SKOR2: variants seen among roughly 807,000 people sequenced by gnomAD.
SKOR2 encodes SKI family transcriptional corepressor 2, also known as LBX1 corepressor 1-like protein.
Under a neutral mutation model 69.1 loss-of-function variants are expected in SKOR2, and 47 were observed. That is an observed-to-expected ratio of 0.68 (90% CI 0.54 to 0.87). SKOR2 has a LOEUF of 0.87. SKOR2 is among the 40% of genes least tolerant of loss of function. The pLI, the probability that SKOR2 is intolerant of heterozygous loss-of-function variation, is 0.00. For missense variants in SKOR2, 1,404 were observed against 1,472.2 expected, an observed-to-expected ratio of 0.95 and a Z score of 0.76; for synonymous variants, 717 against 672.6, an observed-to-expected ratio of 1.07 and a Z score of -1.02.
intron 4 of SKOR2, among the ~76,000 whole-genome samples, chr18:47,239,972 T>C (rs985445710): frequency 4.6e-5 from 6 of 129,654 alleles, no homozygotes; most frequent in African/African-American, 1.6e-4. Flanking sequence ...TCTTATTTTT[T>C]GCTTTTTTTT....
chr18:47,224,429 G>C (rs1434144467), intron 6 of SKOR2, among the ~76,000 whole-genome samples: 1 of 152,044 alleles, frequency 6.6e-6, no homozygotes, highest in African/African-American at 2.4e-5. Flanking sequence ...AAAGCCAAAG[G>C]GTTTTCCAAA....
At chr18:47,208,416 G>T (rs933149784) in intron 8 of SKOR2, among the ~76,000 whole-genome samples, 1 of 152,110 alleles carries the variant, frequency 6.6e-6, no homozygotes, top group African/African-American at 2.4e-5. Flanking sequence ...TTTCCAGTTT[G>T]GCCAATGAGT....
intron 7 of SKOR2, 163 bp downstream of exon 7, chr18:47,219,780 T>G (rs2064155439): frequency 1.6e-6 from 1 of 612,750 alleles, no homozygotes; most frequent in African/African-American, 1.8e-5. Context: ...CATCTGTTTA[T>G]CCTGTGTCTA....
intron 4 of SKOR2, among the ~76,000 whole-genome samples, chr18:47,243,780 A>C (rs2064259103): frequency 6.6e-6 from 1 of 152,218 alleles, no homozygotes; most frequent in Non-Finnish European, 1.5e-5. Context: ...TAATAATAAA[A>C]ACATTCAAAA....
In SKOR2 at chr18:47,247,581, C is replaced by A; in HGVS notation, c.1603G>T (p.Val535Leu). Reference sequence around the variant, plus strand: ...CCGGAGCCCGGGCCGTTGGCCACTACCTGCGGGGGCTGCCCCGGCGGGGGC... The same window carrying A: ...CCGGAGCCCGGGCCGTTGGCCACTAACTGCGGGGGCTGCCCCGGCGGGGGC... ...AAPPPGQPPQ[V>L]VANGPGSGPP... The change falls in exon 2 of 9, where the codon GTA (valine) becomes TTA (leucine). Residue 535 changes from valine to leucine, a missense_variant. Val to Leu is a conservative substitution (Grantham distance 32). This residue lies in a region of SKOR2 where 1,266 missense variants were observed against 1,309.9 expected (regional missense o/e 0.97). Transcript: ENST00000425639. The surrounding 1 kb of genome is among the most constrained non-coding windows in gnomAD (Gnocchi z 6.6). The A allele has an allele frequency of 8.0e-7, 1 of 1,254,668 alleles. No individual in the cohort carries two copies. The highest frequency in any genetic ancestry group is 3.0e-5 in the South Asian group (1 of 33,328). 77.7% of individuals were successfully genotyped at this position (1,254,668 alleles called of 1,614,324 possible). A position where few individuals can be genotyped will look rare whatever the true frequency, so the allele number is the denominator to read the frequency against.
Position 47,248,246 on chromosome 18 carries a change from TCG to T in SKOR2, c.936_937del (p.Asp312GlufsTer111). The T allele has an allele frequency of 8.2e-7, 1 of 1,222,844 alleles. No individual in the cohort carries two copies. Among genetic ancestry groups the T allele is most frequent in the Non-Finnish European group, 1.0e-6 (1 of 983,892 alleles). The allele number at this position is 1,222,844 out of a possible 1,614,324, so 75.7% of individuals were successfully genotyped here. A position where few individuals can be genotyped will look rare whatever the true frequency, so the allele number is the denominator to read the frequency against. On this transcript the variant is annotated frameshift_variant, in exon 2 of 9. Coordinates refer to ENST00000425639, the MANE Select transcript of SKOR2 (RefSeq NM_001278063.4). LOFTEE classifies it high-confidence loss of function. This position sits in a 1 kb window ranked among gnomAD's most constrained non-coding sequence, Gnocchi z 6.4. Reference sequence around the variant, plus strand: ...GGCCTCCTGCAAGGAGTCGTCGTCGTCGTCGAAGCGCGGCCGCTTGTGATGGG... The same window carrying T: ...GGCCTCCTGCAAGGAGTCGTCGTCGTTCGAAGCGCGGCCGCTTGTGATGGG...
At chr18:47,238,908 T>G (rs1276046472) in intron 4 of SKOR2, among the ~76,000 whole-genome samples, 2 of 152,248 alleles carry the variant, frequency 1.3e-5, no homozygotes, top group Non-Finnish European at 2.9e-5. Flanking sequence ...GTCCTCCTGT[T>G]GCTCAACAGC....
chr18:47,227,531 A>C (rs1002595236), intron 6 of SKOR2, among the ~76,000 whole-genome samples: 3 of 151,918 alleles, frequency 2.0e-5, no homozygotes, highest in Non-Finnish European at 2.9e-5. Flanking sequence ...AGGTTTCACC[A>C]TGTTGGCCAG....
rs1465680476 is a variant in SKOR2, at chr18:47,247,107, G to C, written c.2077C>G (p.Pro693Ala). ...PDEPGSERHH[P>A]APPPPPPPPP... ...GGCGGCGGCGGCGGCGGCGGGGCCGGGTGGTGGCGCTCGGAACCCGGCTCG... is the reference window on the plus strand; with the variant it reads ...GGCGGCGGCGGCGGCGGCGGGGCCGCGTGGTGGCGCTCGGAACCCGGCTCG... The change falls in exon 2 of 9, where the codon CCG becomes GCG. Residue 693 changes from proline (P) to alanine (A), a missense_variant. This residue lies in a region of SKOR2 where 1,266 missense variants were observed against 1,309.9 expected (regional missense o/e 0.97). Coordinates refer to ENST00000425639, the MANE Select transcript of SKOR2 (RefSeq NM_001278063.4). The surrounding 1 kb of genome is among the most constrained non-coding windows in gnomAD (Gnocchi z 6.6). 1.5e-6 allele frequency: 2 copies of C among 1,322,288 alleles called. No individual in the cohort carries two copies. The highest frequency in any genetic ancestry group is 1.9e-6 in the Non-Finnish European group (2 of 1,045,352). The allele number at this position is 1,322,288 out of a possible 1,614,324, so 81.9% of individuals were successfully genotyped here. A position where few individuals can be genotyped will look rare whatever the true frequency, so the allele number is the denominator to read the frequency against.
Position 47,206,169 on chromosome 18 carries a change from T to A in SKOR2, c.*727A>T, listed in dbSNP as rs2144468125. On this transcript the variant is annotated 3_prime_UTR_variant, in exon 9 of 9. Transcript: ENST00000425639. ...GCATTTAACTACATGAACACAACCATTACTTCATAGTTTTTTTATTATAGA... is the reference window on the plus strand; with the variant it reads ...GCATTTAACTACATGAACACAACCAATACTTCATAGTTTTTTTATTATAGA... 6.6e-6 allele frequency among the ~76,000 whole-genome samples: 1 copy of A among 152,330 alleles called. No homozygotes were observed. Among genetic ancestry groups the A allele is most frequent in the African/African-American group, 2.4e-5 (1 of 41,590 alleles).
intron 8 of SKOR2, among the ~76,000 whole-genome samples, chr18:47,209,002 T>C: frequency 6.6e-6 from 1 of 152,176 alleles, no homozygotes; most frequent in East Asian, 1.9e-4. Context: ...TTTATGGCGT[T>C]ATCAAGGGAA....
chr18:47,216,710 G>A (rs1216014806), intron 7 of SKOR2, among the ~76,000 whole-genome samples: 1 of 152,134 alleles, frequency 6.6e-6, no homozygotes, highest in Non-Finnish European at 1.5e-5. Flanking sequence ...TAAATGCATT[G>A]TGGGTCTTTG....
chr18:47,243,225 C>T (rs541830668), intron 4 of SKOR2, among the ~76,000 whole-genome samples: 4 of 152,230 alleles, frequency 2.6e-5, no homozygotes, highest in African/African-American at 7.2e-5. Flanking sequence ...CTGAAACGGC[C>T]GGAGGTGATT....
rs1401530327 is a variant in SKOR2, at chr18:47,223,548, G to T, written c.2918-3538C>A. 2.0e-5 allele frequency among the ~76,000 whole-genome samples: 3 copies of T among 152,192 alleles called. No homozygotes were observed. The East Asian group carries it at 5.8e-4, about 29-fold the overall frequency. Reference sequence around the variant, plus strand: ...CATGCAAAGACTTAGTTACAAGGGTGTCCATTATCTAAAACTTGGACAAAC... The same window carrying T: ...CATGCAAAGACTTAGTTACAAGGGTTTCCATTATCTAAAACTTGGACAAAC... On this transcript the variant is annotated intron_variant, in intron 6 of 8. Transcript: ENST00000425639.
intron 4 of SKOR2, among the ~76,000 whole-genome samples, chr18:47,237,457 C>T (rs559977972): frequency 5.3e-5 from 8 of 152,086 alleles, no homozygotes; most frequent in Non-Finnish European, 1.0e-4. Context: ...TGACCTGTTC[C>T]GTTGGTGGAC....
intron 4 of SKOR2, among the ~76,000 whole-genome samples, chr18:47,244,275 T>TCAATTAAC (rs777720542): frequency 2.0e-5 from 3 of 152,192 alleles, no homozygotes; most frequent in Non-Finnish European, 4.4e-5. Context: ...CGTTTGACAG[T>TCAATTAAC]CAATTAACCG....
intron 4 of SKOR2, chr18:47,231,257 C>T: frequency 1.6e-6 from 2 of 1,256,254 alleles, no homozygotes; most frequent in African/African-American, 1.5e-5. Context: ...AAGTTATTCC[C>T]TCTCCAACCC....
rs2064114201 is a variant in SKOR2 at position 47,206,691 on chromosome 18, C to T, written c.*205G>A. 6.6e-6 allele frequency: 1 copy of T among 152,412 alleles called. No homozygotes were observed. Among genetic ancestry groups the T allele is most frequent in the African/African-American group, 2.4e-5 (1 of 41,398 alleles). The allele number at this position is 152,412 out of a possible 1,614,324, so 9.4% of individuals were successfully genotyped here. On this transcript the variant is annotated 3_prime_UTR_variant, in exon 9 of 9. Coordinates refer to ENST00000425639, the MANE Select transcript of SKOR2 (RefSeq NM_001278063.4). ...TGACTGCTCTGGTTGGCTCCCCCCT[C>T]CCCCCACTAATGAATGGCTGCTACA...
At position 47,249,153 on chromosome 18, in the gene SKOR2, C is replaced by G; in HGVS notation, c.31G>C (p.Asp11His). Reference sequence around the variant, plus strand: ...CTCGACGGCGACGCCAGCAGGATGTCGTTGGGCCCTGGCAGCGGACTGGAA... The same window carrying G: ...CTCGACGGCGACGCCAGCAGGATGTGGTTGGGCCCTGGCAGCGGACTGGAA... MASSPLPGPN[D>H]ILLASPSSAF... Residue 11 changes from aspartate to histidine, a missense_variant, in exon 2 of 9, where the codon GAC (aspartate) becomes CAC (histidine). Coordinates refer to ENST00000425639, the MANE Select transcript of SKOR2 (RefSeq NM_001278063.4). 6.5e-7 allele frequency: 1 copy of G among 1,535,492 alleles called. No individual in the cohort carries two copies. Among genetic ancestry groups the G allele is most frequent in the South Asian group, 1.2e-5 (1 of 83,978 alleles).
Sources: gnomAD v4.1 joint callset for allele counts (sites outside exome capture counted in the v4.1 genomes callset) on GRCh38, gnomAD v4.1.1 for gene constraint, gnomAD v4.1.1 regional missense constraint, Gnocchi (gnomAD v3.1) non-coding constraint, MANE v1.5 for transcripts, NCBI Gene and HGNC (gene_info 2026-07-23, HGNC 2026-07-21) for gene names.